Variants in NLGN2 observed in about 807,000 individuals in gnomAD.
NLGN2 encodes neuroligin 2, also known as neuroligin-2.
Under a neutral mutation model 48.6 loss-of-function variants are expected in NLGN2, and 11 were observed. The observed-to-expected ratio is 0.23, with a 90% CI of 0.14 to 0.37. NLGN2 has a LOEUF of 0.37. Among genes scored for constraint, NLGN2 ranks in the 10% least tolerant of loss-of-function variants. The pLI, the probability that NLGN2 is intolerant of heterozygous loss-of-function variation, is 1.00. For synonymous variants in NLGN2, 548 were observed against 550.0 expected (o/e 1.00, Z 0.05); for missense variants, 801 against 1,225.2 (o/e 0.65, Z 5.17).
chr17:7,412,313 C>T (rs1013409898), intron 2 of NLGN2, 106 bp downstream of exon 2: 52 of 783,550 alleles, frequency 6.6e-5, no homozygotes, highest in South Asian at 6.2e-4. Flanking sequence ...CTCAGTCGTT[C>T]TCCCAACTAA....
In NLGN2 at chr17:7,417,065, A is replaced by G; in HGVS notation, c.1774A>G (p.Asn592Asp). Residue 592 changes from asparagine (N) to aspartate (D), a missense_variant, in exon 7 of 7, where the codon AAC (asparagine) becomes GAC (aspartate). By Grantham distance (23) the Asn-to-Asp change is conservative (BLOSUM62 1). Around this residue, in one of 5 missense-constraint regions of NLGN2, gnomAD observed 303 missense variants for 600.1 expected, o/e 0.50. Transcript: ENST00000302926. ...AGGCCTGAAGCCACGCGTGCGTGACAACTACCGCGCCAACAAGGTGGCCTT... is the reference window on the plus strand; with the variant it reads ...AGGCCTGAAGCCACGCGTGCGTGACGACTACCGCGCCAACAAGGTGGCCTT... ...HIGLKPRVRD[N>D]YRANKVAFWL... is the part of the protein sequence containing the mutation. 6.2e-7 allele frequency: 1 copy of G among 1,614,028 alleles called. No homozygotes were observed. The highest frequency in any genetic ancestry group is 8.5e-7 in the Non-Finnish European group (1 of 1,180,026).
rs747703660 is a variant in NLGN2 at position 7,415,804 on chromosome 17, G to A, written c.1331G>A (p.Gly444Asp). The A allele has an allele frequency of 1.2e-6, 2 of 1,614,028 alleles. No homozygotes were observed. Among genetic ancestry groups the A allele is most frequent in the South Asian group, 2.2e-5 (2 of 91,088 alleles). Reference protein sequence around the residue: ...MYTDWADRDNGEMRRKTLLAL... With the variant: ...MYTDWADRDNDEMRRKTLLAL... ...ACAGACTGGGCCGACCGGGACAATGGCGAAATGCGCCGCAAAACCCTGCTG... is the reference window on the plus strand; with the variant it reads ...ACAGACTGGGCCGACCGGGACAATGACGAAATGCGCCGCAAAACCCTGCTG... The change falls in exon 6 of 7, where the codon GGC becomes GAC. Residue 444 changes from glycine to aspartate, a missense_variant. By Grantham distance (94) the Gly-to-Asp change is moderately conservative (BLOSUM62 -1). Transcript: ENST00000302926.
intron 2 of NLGN2, 103 bp from the exon 3 acceptor site, chr17:7,414,240 AG>A: frequency 9.5e-7 from 1 of 1,052,106 alleles, no homozygotes; most frequent in Non-Finnish European, 1.4e-6. Flanking sequence ...CCTGAGCTCC[AG>A]GCCAGTCCTC....
At chr17:7,416,671 T>C (rs1324253121) in intron 6 of NLGN2, among the ~76,000 whole-genome samples, 1 of 152,148 alleles carries the variant, frequency 6.6e-6, no homozygotes, top group African/African-American at 2.4e-5. Flanking sequence ...TGTGTGTCCC[T>C]GCCCCTCTGC....
Position 7,414,656 on chromosome 17 carries a change from C to T in NLGN2, c.659-7C>T. On this transcript the variant is annotated splice_polypyrimidine_tract_variant and splice_region_variant and intron_variant, in intron 3 of 6. Transcript: ENST00000302926. ...CTCCAGGGAGCCCTCTTCTTCTCTACTCCCAGGTTTTCTCAGCACCGGGGA... is the reference window on the plus strand; with the variant it reads ...CTCCAGGGAGCCCTCTTCTTCTCTATTCCCAGGTTTTCTCAGCACCGGGGA... 19 of 1,614,030 alleles carry T rather than the reference C, an allele frequency of 1.2e-5. No individual in the cohort carries two copies. The highest frequency in any genetic ancestry group is 1.6e-5 in the Non-Finnish European group (19 of 1,179,994).
chr17:7,414,543 C>A (rs761171136), intron 3 of NLGN2, 50 bp downstream of exon 3: 6 of 1,611,222 alleles, frequency 3.7e-6, no homozygotes, highest in Non-Finnish European at 5.1e-6. Flanking sequence ...GGGAGGTGGG[C>A]CTGGTGGGCA....
At position 7,417,951 on chromosome 17, in the gene NLGN2, C is replaced by A. The variant is rs528469791; in HGVS notation, c.*152C>A. The stretch of plus-strand genomic sequence containing the variant: ...GGACATGGGATTCCTCCCTGCGATG[C>A]GTGTCTTTCCCACGCAGAGAAGCCC... On this transcript the variant is annotated 3_prime_UTR_variant, in exon 7 of 7. Coordinates refer to ENST00000302926, the MANE Select transcript of NLGN2 (RefSeq NM_020795.4). The A allele has an allele frequency of 3.2e-6, 2 of 615,664 alleles. No individual in the cohort carries two copies. The highest frequency in any genetic ancestry group is 4.4e-5 in the Admixed American group (1 of 22,906). 38.1% of individuals were successfully genotyped at this position (615,664 alleles called of 1,614,324 possible). A position where few individuals can be genotyped will look rare whatever the true frequency, so the allele number is the denominator to read the frequency against.
At position 7,417,323 on chromosome 17, in the gene NLGN2, G is replaced by A. The variant is rs1366298154; in HGVS notation, c.2032G>A (p.Val678Ile). 5.0e-6 allele frequency: 8 copies of A among 1,610,606 alleles called. No individual in the cohort carries two copies. The highest frequency in any genetic ancestry group is 1.1e-5 in the South Asian group (1 of 90,602). Residue 678 changes from valine to isoleucine, a missense_variant, in exon 7 of 7, where the codon GTC becomes ATC. Val to Ile is a conservative substitution (Grantham distance 29). This residue lies in a region of NLGN2 where 276 missense variants were observed against 313.9 expected (regional missense o/e 0.88). Transcript: ENST00000302926. ...DSRDYSTELSVTVAVGASLLF... is the reference protein window; with the variant it reads ...DSRDYSTELSITVAVGASLLF... Reference sequence around the variant, plus strand: ...ACGGGACTACTCCACGGAGCTGAGCGTCACCGTGGCCGTGGGTGCCTCCCT... The same window carrying A: ...ACGGGACTACTCCACGGAGCTGAGCATCACCGTGGCCGTGGGTGCCTCCCT...
chr17:7,415,384 T>A (rs1480022147), intron 5 of NLGN2, 127 bp from the exon 6 acceptor site: 1 of 983,520 alleles, frequency 1.0e-6, no homozygotes, highest in Admixed American at 1.8e-5. Flanking sequence ...AAGGACCCAC[T>A]GGAGGATTTC....
At chr17:7,404,759 T>C (rs550616103), upstream of NLGN2, 18 of 151,826 alleles carry the variant, frequency 1.2e-4, no homozygotes, top group African/African-American at 4.1e-4. Flanking sequence ...CTTCCCACCA[T>C]CTCCAATCCC....
rs138726680 is a variant in NLGN2, at chr17:7,414,408, G to A, written c.573G>A (p.Gly191=). Residue 191 remains glycine (G), a synonymous_variant, in exon 3 of 7, where the codon GGG becomes GGA. Coordinates refer to ENST00000302926, the MANE Select transcript of NLGN2 (RefSeq NM_020795.4). ...LFLHGGSYME[G]TGNMFDGSVL... Reference sequence around the variant, plus strand: ...TCCATGGCGGCTCCTACATGGAGGGGACCGGAAACATGTTCGATGGCTCAG... The same window carrying A: ...TCCATGGCGGCTCCTACATGGAGGGAACCGGAAACATGTTCGATGGCTCAG... The A allele has an allele frequency of 6.1e-4, 990 of 1,614,178 alleles. No homozygotes were observed. Among genetic ancestry groups the A allele is most frequent in the Middle Eastern group, 2.1e-3 (13 of 6,062 alleles).
rs367900044 is a variant in NLGN2 at position 7,417,226 on chromosome 17, G to A, written c.1935G>A (p.Pro645=). 68 of 1,535,650 alleles carry A rather than the reference G, an allele frequency of 4.4e-5. No homozygotes were observed. The highest frequency in any genetic ancestry group is 3.9e-4 in the African/African-American group (28 of 71,542). ...AGAPGTRRPP[P]PATLPPEPEP... ...CCCCGGGCACACGCCGGCCCCCGCC[G>A]CCTGCCACCCTGCCTCCCGAGCCCG... The change falls in exon 7 of 7, where the codon CCG becomes CCA. Residue 645 remains proline (P), a synonymous_variant. Coordinates refer to ENST00000302926, the MANE Select transcript of NLGN2 (RefSeq NM_020795.4).
chr17:7,409,323 T>C (rs981258101), intron 1 of NLGN2, among the ~76,000 whole-genome samples: 1 of 152,134 alleles, frequency 6.6e-6, no homozygotes, highest in Non-Finnish European at 1.5e-5. Context: ...TCAGGGAAGC[T>C]CCTTGCTGAG....
chr17:7,408,503 G>A lies in NLGN2; in HGVS notation c.248G>A (p.Arg83His). 6.6e-7 allele frequency: 1 copy of A among 1,517,002 alleles called. No homozygotes were observed. Among genetic ancestry groups the A allele is most frequent in the South Asian group, 1.2e-5 (1 of 80,620 alleles). 94.0% of individuals were successfully genotyped at this position (1,517,002 alleles called of 1,614,324 possible). Residue 83 changes from arginine to histidine, a missense_variant, in exon 1 of 7, where the codon CGC becomes CAC. Coordinates refer to ENST00000302926, the MANE Select transcript of NLGN2 (RefSeq NM_020795.4). The surrounding 1 kb of genome is among the most constrained non-coding windows in gnomAD (Gnocchi z 7.5). ...GCCACGCCGCCCCTGGGCGCCCGCC[G>A]CTTCCAGCCGCCTGAGGCGCCCGCC... ...PYATPPLGAR[R>H]FQPPEAPASW...
chr17:7,410,943 G>T (rs1400039399), intron 1 of NLGN2, among the ~76,000 whole-genome samples: 1 of 152,188 alleles, frequency 6.6e-6, no homozygotes, highest in East Asian at 1.9e-4. Context: ...GGCCATCACT[G>T]CCACTTAGGA....
Position 7,411,062 on chromosome 17 carries a change from C to A in NLGN2, c.458-1095C>A, listed in dbSNP as rs769728439. Among the ~76,000 whole-genome samples, 1 of 152,236 alleles carries A rather than the reference C, an allele frequency of 6.6e-6. No homozygotes were observed. Among genetic ancestry groups the A allele is most frequent in the Non-Finnish European group, 1.5e-5 (1 of 68,042 alleles). ...AATCAGCCTCGGGGAACCCCCAGGC[C>A]TCTGGGCTCCAGCTCGCCCCTGACC... On this transcript the variant is annotated intron_variant, in intron 1 of 6. Transcript: ENST00000302926. The surrounding 1 kb of genome is among the most constrained non-coding windows in gnomAD (Gnocchi z 4.5).
chr17:7,408,811 G>A lies in NLGN2; in HGVS notation c.457+99G>A, dbSNP rs1002125964. On this transcript the variant is annotated intron_variant, in intron 1 of 6. Coordinates refer to ENST00000302926, the MANE Select transcript of NLGN2 (RefSeq NM_020795.4). The surrounding 1 kb of genome is among the most constrained non-coding windows in gnomAD (Gnocchi z 7.5). ...GGCACCGCTCTAGGGCTCAGAGCTGGGCCTTTGTGGGGGCAGTGAGGGACG... is the reference window on the plus strand; with the variant it reads ...GGCACCGCTCTAGGGCTCAGAGCTGAGCCTTTGTGGGGGCAGTGAGGGACG... 3.1e-6 allele frequency: 5 copies of A among 1,595,624 alleles called. No homozygotes were observed. The highest frequency in any genetic ancestry group is 1.7e-5 in the Admixed American group (1 of 59,074).
chr17:7,415,265 T>C (rs1229745234), intron 5 of NLGN2, 117 bp downstream of exon 5: 7 of 998,272 alleles, frequency 7.0e-6, no homozygotes, highest in Admixed American at 2.7e-5. Context: ...CCCCAGTAAG[T>C]GGCCTCCTCT....
chr17:7,408,753 G>T lies in NLGN2; in HGVS notation c.457+41G>T. The T allele has an allele frequency of 6.2e-7, 1 of 1,611,320 alleles. No homozygotes were observed. The highest frequency in any genetic ancestry group is 1.1e-5 in the South Asian group (1 of 90,968). The stretch of plus-strand genomic sequence containing the variant: ...CAAAGCCGGGCACCCCGTGGACACA[G>T]CCCACAAACGCACATGCAGACCCTC... On this transcript the variant is annotated intron_variant, in intron 1 of 6. Transcript: ENST00000302926. The surrounding 1 kb of genome is among the most constrained non-coding windows in gnomAD (Gnocchi z 7.5).
Sources: gnomAD v4.1 joint callset for allele counts (sites outside exome capture counted in the v4.1 genomes callset) on GRCh38, gnomAD v4.1.1 for gene constraint, gnomAD v4.1.1 regional missense constraint, Gnocchi (gnomAD v3.1) non-coding constraint, MANE v1.5 for transcripts, NCBI Gene and HGNC (gene_info 2026-07-23, HGNC 2026-07-21) for gene names.